DNAJC13: variants seen among roughly 807,000 people sequenced by gnomAD.
The protein encoded by DNAJC13 is DnaJ heat shock protein family (Hsp40) member C13.
Under a neutral mutation model 290.5 loss-of-function variants are expected in DNAJC13, and 75 were observed. That is an observed-to-expected ratio of 0.26 (90% CI 0.21 to 0.31). The LOEUF is 0.31. Among genes scored for constraint, DNAJC13 ranks in the 10% least tolerant of loss-of-function variants. The pLI is 1.00. For missense variants in DNAJC13, 2,260 were observed against 2,674.5 expected, an observed-to-expected ratio of 0.85 and a Z score of 3.42; for synonymous variants, 862 against 892.0, an observed-to-expected ratio of 0.97 and a Z score of 0.60.
intron 9 of DNAJC13, among the ~76,000 whole-genome samples, chr3:132,454,395 C>T (rs1933522458): frequency 7.1e-6 from 1 of 140,320 alleles, no homozygotes; most frequent in South Asian, 2.3e-4. Flanking sequence ...GATCTTGGCT[C>T]ACTGCAACCT....
At chr3:132,469,584 G>A (rs11717110) in intron 20 of DNAJC13, among the ~76,000 whole-genome samples, 16,153 of 152,130 alleles carry the variant, frequency 0.11, 1,470 homozygotes, top group East Asian at 0.54. Context: ...TTGTCCTGGC[G>A]GGGAGGAGGG....
At chr3:132,532,297 T>A (rs951562549) in intron 55 of DNAJC13, among the ~76,000 whole-genome samples, 1 of 152,196 alleles carries the variant, frequency 6.6e-6, no homozygotes. Context: ...TATTCAAAAT[T>A]AGAGGCTTTG....
chr3:132,422,715 A>G (rs1370622209), intron 1 of DNAJC13, among the ~76,000 whole-genome samples: 3 of 152,250 alleles, frequency 2.0e-5, no homozygotes, highest in Non-Finnish European at 4.4e-5. Context: ...GCAAAGGTAC[A>G]TTTAGGTGTG....
At position 132,482,238 on chromosome 3, in the gene DNAJC13, G is replaced by A; in HGVS notation, c.2887G>A (p.Glu963Lys). ...TTTTTAAACTTAGAGCAATGTAATTGAAGCTGCTCCAGATATGAAAAGAGA... is the reference window on the plus strand; with the variant it reads ...TTTTTAAACTTAGAGCAATGTAATTAAAGCTGCTCCAGATATGAAAAGAGA... ...ATVPLQSNVIEAAPDMKRESE... is the reference protein window; with the variant it reads ...ATVPLQSNVIKAAPDMKRESE... Residue 963 changes from glutamate (E) to lysine (K), a missense_variant, in exon 27 of 56, where the codon GAA becomes AAA. Physicochemically the swap from Glu to Lys is moderately conservative, Grantham distance 56. Transcript: ENST00000260818. 1 of 1,612,576 alleles carries A rather than the reference G, an allele frequency of 6.2e-7. No individual in the cohort carries two copies. The highest frequency in any genetic ancestry group is 8.5e-7 in the Non-Finnish European group (1 of 1,179,300).
intron 1 of DNAJC13, 98 bp downstream of exon 1, chr3:132,417,858 G>A (rs1938835095): frequency 6.5e-6 from 1 of 152,894 alleles, no homozygotes; most frequent in Non-Finnish European, 1.5e-5. Context: ...AAACGGGGTG[G>A]TCTTGGCTGC....
chr3:132,433,658 T>C (rs1576457126), intron 1 of DNAJC13, among the ~76,000 whole-genome samples: 1 of 152,308 alleles, frequency 6.6e-6, no homozygotes, highest in East Asian at 1.9e-4. Flanking sequence ...ACTTAGTAGC[T>C]CACCAAAAAA....
chr3:132,465,203 A>G (rs779840387), intron 17 of DNAJC13, among the ~76,000 whole-genome samples: 1 of 152,124 alleles, frequency 6.6e-6, no homozygotes, highest in African/African-American at 2.4e-5. Flanking sequence ...TTTGTTCTTC[A>G]GTAATGTAAC....
chr3:132,519,087 G>C (rs1182308278), intron 48 of DNAJC13, among the ~76,000 whole-genome samples: 1 of 152,090 alleles, frequency 6.6e-6, no homozygotes, highest in East Asian at 1.9e-4. Flanking sequence ...TCTATTTTTT[G>C]GCTCTGCTAA....
In DNAJC13 at chr3:132,492,518, A is replaced by C; in HGVS notation, c.3728A>C (p.Asn1243Thr). 6.2e-7 allele frequency: 1 copy of C among 1,613,854 alleles called. No individual in the cohort carries two copies. The highest frequency in any genetic ancestry group is 8.5e-7 in the Non-Finnish European group (1 of 1,179,838). ...CAGTATTGCCCCATTCCTATAATCA[A>C]CTATCCACAACTCGAAAATGAACTA... Reference protein sequence around the residue: ...LYQYCPIPIINYPQLENELFC... With the variant: ...LYQYCPIPIITYPQLENELFC... Residue 1243 changes from asparagine (N) to threonine (T), a missense_variant, in exon 33 of 56, where the codon AAC (asparagine) becomes ACC (threonine). Coordinates refer to ENST00000260818, the MANE Select transcript of DNAJC13 (RefSeq NM_015268.4).
intron 53 of DNAJC13, among the ~76,000 whole-genome samples, chr3:132,526,991 GT>G (rs1936279309): frequency 6.6e-6 from 1 of 152,146 alleles, no homozygotes; most frequent in South Asian, 2.1e-4. Context: ...AAAAAGTACA[GT>G]TTCTGTTAGG....
Position 132,446,359 on chromosome 3 carries a change from C to T in DNAJC13, c.69-116C>T, listed in dbSNP as rs558215405. Reference sequence around the variant, plus strand: ...ATATAACTAAGCTATATTTAGTCACCATTAATCAACTAACACATTTCTATG... The same window carrying T: ...ATATAACTAAGCTATATTTAGTCACTATTAATCAACTAACACATTTCTATG... On this transcript the variant is annotated intron_variant, in intron 2 of 55. Coordinates refer to ENST00000260818, the MANE Select transcript of DNAJC13 (RefSeq NM_015268.4). 135 of 651,458 alleles carry T rather than the reference C, an allele frequency of 2.1e-4. 3 individuals are homozygous for T. The highest frequency in any genetic ancestry group is 1.5e-3 in the South Asian group (78 of 50,342). 40.4% of individuals were successfully genotyped at this position (651,458 alleles called of 1,614,324 possible). A position where few individuals can be genotyped will look rare whatever the true frequency, so the allele number is the denominator to read the frequency against.
At chr3:132,510,948 A>G in intron 43 of DNAJC13, 119 bp from the exon 44 acceptor site, 1 of 1,088,660 alleles carries the variant, frequency 9.2e-7, no homozygotes, top group Non-Finnish European at 1.3e-6. Flanking sequence ...AGGTGTATTC[A>G]TGTGTATGTA....
intron 13 of DNAJC13, chr3:132,458,228 G>C (rs1170785324): frequency 6.6e-6 from 1 of 152,140 alleles, no homozygotes; most frequent in Non-Finnish European, 1.5e-5. Context: ...GTACAGTTTT[G>C]AAGTTTCTGA....
In DNAJC13 at chr3:132,462,452, C is replaced by T. The variant is rs1199928174; in HGVS notation, c.1714-15C>T. ...CTTTTTTATTTTTTGATACTTTTTC[C>T]CCCTCACTTTAAAGCATCCTTCCAT... On this transcript the variant is annotated splice_polypyrimidine_tract_variant and intron_variant, in intron 15 of 55. Transcript: ENST00000260818. The T allele has an allele frequency of 6.2e-7, 1 of 1,603,642 alleles. No individual in the cohort carries two copies. The highest frequency in any genetic ancestry group is 1.1e-5 in the South Asian group (1 of 88,738).
At chr3:132,445,777 T>G (rs1187501144) in intron 2 of DNAJC13, among the ~76,000 whole-genome samples, 1 of 152,138 alleles carries the variant, frequency 6.6e-6, no homozygotes, top group Admixed American at 6.5e-5. Context: ...TAATATTTTA[T>G]TTCCAAAGAA....
At chr3:132,427,091 G>A (rs1223276969) in intron 1 of DNAJC13, among the ~76,000 whole-genome samples, 1 of 148,234 alleles carries the variant, frequency 6.7e-6, no homozygotes, top group Non-Finnish European at 1.5e-5. Flanking sequence ...GTGTGTGTGT[G>A]TGTGTGTGTG....
rs1269429015 is a variant in DNAJC13 at position 132,510,927 on chromosome 3, CT to C, written c.5116-139del. The C allele has an allele frequency of 4.8e-5, 42 of 874,448 alleles. No individual in the cohort carries two copies. The East Asian group carries it at 7.1e-4, about 15-fold the overall frequency. 54.2% of individuals were successfully genotyped at this position (874,448 alleles called of 1,614,324 possible). On this transcript the variant is annotated intron_variant, in intron 43 of 55. Transcript: ENST00000260818. ...ATGTTTCCTGCCCTCTACATCCCCC[CT>C]ATAGTGCATAGGTGTATTCATGTGT... is the stretch of plus-strand genomic sequence containing the variant.
chr3:132,457,418 G>A, intron 13 of DNAJC13, 50 bp downstream of exon 13: 3 of 1,445,380 alleles, frequency 2.1e-6, no homozygotes, highest in Non-Finnish European at 1.9e-6. Context: ...GTTGACTGGT[G>A]GTTTTGATTT....
intron 21 of DNAJC13, 35 bp from the exon 22 acceptor site, chr3:132,474,897 G>T (rs968086172): frequency 2.5e-6 from 3 of 1,179,308 alleles, no homozygotes; most frequent in Middle Eastern, 2.8e-4. Flanking sequence ...AATGCTTAGT[G>T]CATCCTGCTA....
Sources: allele counts gnomAD v4.1 joint callset (sites outside exome capture counted in the v4.1 genomes callset), GRCh38; gene constraint gnomAD v4.1.1; transcripts MANE v1.5; gene names NCBI Gene and HGNC (gene_info 2026-07-23, HGNC 2026-07-21).